The following NBEAL1 variants were observed in gnomAD, a reference collection of about 807,000 sequenced individuals.
The protein encoded by NBEAL1 is neurobeachin like 1, also known as neurobeachin-like protein 1.
NBEAL1 carries 273 observed loss-of-function variants against 351.3 expected under a neutral mutation model. The ratio of observed to expected loss-of-function variants is 0.78; its 90% CI spans 0.70 to 0.86. The LOEUF (loss-of-function observed/expected upper bound fraction) is 0.86, where lower values mean the gene tolerates loss of function less well. NBEAL1 is among the 40% of genes least tolerant of loss of function. The pLI, the probability that NBEAL1 is intolerant of heterozygous loss-of-function variation, is 0.00. For missense variants in NBEAL1, 2,961 were observed against 3,201.3 expected, an observed-to-expected ratio of 0.92 and a Z score of 1.81; for synonymous variants, 1,050 against 1,086.4, an observed-to-expected ratio of 0.97 and a Z score of 0.66.
Position 203,160,077 on chromosome 2 carries a change from A to T in NBEAL1, c.5714+2252A>T, listed in dbSNP as rs1205097115. 3.9e-3 allele frequency among the ~76,000 whole-genome samples: 503 copies of T among 127,506 alleles called. 3 individuals carry two copies. Among genetic ancestry groups the T allele is most frequent in the African/African-American group, 0.013 (451 of 34,084 alleles). The allele number at this position is 127,506 out of a possible 152,430, so 83.6% of individuals were successfully genotyped here. On this transcript the variant is annotated intron_variant, in intron 36 of 55. Transcript: ENST00000683969. Reference sequence around the variant, plus strand: ...ATATGCAAATCACTTGCCCCCCGCTATTTTTTTTTTTTTTTTTTTTAGACA... The same window carrying T: ...ATATGCAAATCACTTGCCCCCCGCTTTTTTTTTTTTTTTTTTTTTTAGACA...
intron 36 of NBEAL1, 23 bp downstream of exon 36, chr2:203,157,848 A>G: frequency 6.8e-7 from 1 of 1,475,540 alleles, no homozygotes; most frequent in Non-Finnish European, 9.0e-7. Context: ...ATTTAAAATT[A>G]TTTTGTTCTG....
chr2:203,117,412 G>A (rs1433491440), intron 18 of NBEAL1, among the ~76,000 whole-genome samples: 1 of 152,112 alleles, frequency 6.6e-6, no homozygotes, highest in African/African-American at 2.4e-5. Context: ...GCATTGAGCC[G>A]AGATCGTGCC....
At position 203,016,423 on chromosome 2, in the gene NBEAL1, T is replaced by C; in HGVS notation, c.39T>C (p.Leu13=). The part of the protein sequence containing the change: ...SRERLFELWM[L]YCTKKDPDYL... Reference sequence around the variant, plus strand: ...AGAGGCTCTTTGAACTTTGGATGCTTTATTGTACAAAGGTAATTGCTTTCC... The same window carrying C: ...AGAGGCTCTTTGAACTTTGGATGCTCTATTGTACAAAGGTAATTGCTTTCC... The change falls in exon 2 of 56, where the codon CTT becomes CTC. Residue 13 remains leucine (L), a synonymous_variant. Coordinates refer to ENST00000683969, the MANE Select transcript of NBEAL1 (RefSeq NM_001378026.1). 6.7e-7 allele frequency: 1 copy of C among 1,488,236 alleles called. No individual in the cohort carries two copies. 92.2% of individuals were successfully genotyped at this position (1,488,236 alleles called of 1,614,324 possible).
At position 203,018,023 on chromosome 2, in the gene NBEAL1, G is replaced by T. The variant is rs187603189; in HGVS notation, c.51+1588G>T. ...TTTCAAAGAATATTTATTTAAAACC[G>T]TGATTTTATATTTTACCAGTTAACG... On this transcript the variant is annotated intron_variant, in intron 2 of 55. Coordinates refer to ENST00000683969, the MANE Select transcript of NBEAL1 (RefSeq NM_001378026.1). Among the ~76,000 whole-genome samples the T allele has an allele frequency of 2.0e-3, 309 of 152,074 alleles. 2 individuals are homozygous for T. The highest frequency in any genetic ancestry group is 3.3e-3 in the Non-Finnish European group (224 of 67,928).
At chr2:203,178,310 G>A (rs1372452259) in intron 42 of NBEAL1, among the ~76,000 whole-genome samples, 1 of 151,834 alleles carries the variant, frequency 6.6e-6, no homozygotes, top group East Asian at 1.9e-4. Flanking sequence ...GATTCTAGGT[G>A]TGCACCACCA....
chr2:203,215,410 G>A (rs1043706810), intron 55 of NBEAL1, among the ~76,000 whole-genome samples: 1 of 152,234 alleles, frequency 6.6e-6, no homozygotes, highest in Admixed American at 6.5e-5. Flanking sequence ...GGTGGAGGCT[G>A]AGGCAGGAGA....
intron 6 of NBEAL1, among the ~76,000 whole-genome samples, chr2:203,065,981 A>G (rs997566715): frequency 1.3e-5 from 2 of 152,228 alleles, no homozygotes; most frequent in African/African-American, 4.8e-5. Flanking sequence ...AGTTATTGAA[A>G]ACATGCAGTA....
intron 11 of NBEAL1, among the ~76,000 whole-genome samples, chr2:203,099,173 G>A (rs1313876064): frequency 6.6e-6 from 1 of 151,514 alleles, no homozygotes; most frequent in Non-Finnish European, 1.5e-5. Context: ...CTACTCAGGA[G>A]GCTGAGGCAG....
rs1348812485 is a variant in NBEAL1, at chr2:203,220,013, A to C, written c.*2659A>C. The stretch of plus-strand genomic sequence containing the variant: ...TTAAAGAGTATAGCCTACTGAATTA[A>C]AAATCACTAGATAAAATAATTGGAA... On this transcript the variant is annotated 3_prime_UTR_variant, in exon 56 of 56. Coordinates refer to ENST00000683969, the MANE Select transcript of NBEAL1 (RefSeq NM_001378026.1). 1.3e-5 allele frequency: 2 copies of C among 152,232 alleles called. No individual in the cohort carries two copies. Among genetic ancestry groups the C allele is most frequent in the Non-Finnish European group, 2.9e-5 (2 of 68,038 alleles). 9.4% of individuals were successfully genotyped at this position (152,232 alleles called of 1,614,324 possible).
At chr2:203,045,044 A>G (rs2061204795) in intron 3 of NBEAL1, among the ~76,000 whole-genome samples, 1 of 152,230 alleles carries the variant, frequency 6.6e-6, no homozygotes, top group Non-Finnish European at 1.5e-5. Context: ...CGTTAGGAAC[A>G]TGGCCAAAAA....
intron 45 of NBEAL1, 137 bp downstream of exon 45, chr2:203,188,726 A>G: frequency 1.8e-6 from 1 of 553,582 alleles, no homozygotes; most frequent in Non-Finnish European, 3.2e-6. Context: ...AAAGATTAAG[A>G]GACTGCTGCT....
At position 203,116,183 on chromosome 2, in the gene NBEAL1, G is replaced by A. The variant is rs1246247937; in HGVS notation, c.2592+113G>A. The A allele has an allele frequency of 8.1e-6, 6 of 740,010 alleles. No individual in the cohort carries two copies. The African/African-American group carries it at 8.9e-5, about 11-fold the overall frequency. 45.8% of individuals were successfully genotyped at this position (740,010 alleles called of 1,614,324 possible). A position where few individuals can be genotyped will look rare whatever the true frequency, so the allele number is the denominator to read the frequency against. ...GTAATTAAAAGGAGGGGTTTGAATT[G>A]CCATCAAAATAATCATGAATTTTCA... is the stretch of plus-strand genomic sequence containing the variant. On this transcript the variant is annotated intron_variant, in intron 18 of 55. Transcript: ENST00000683969.
intron 44 of NBEAL1, among the ~76,000 whole-genome samples, chr2:203,187,078 C>T (rs533977895): frequency 6.6e-6 from 1 of 152,146 alleles, no homozygotes; most frequent in South Asian, 2.1e-4. Context: ...TCTTTGCCCT[C>T]TAGAGATCCC....
chr2:203,043,569 C>T (rs1040265952), intron 3 of NBEAL1, among the ~76,000 whole-genome samples: 3 of 151,782 alleles, frequency 2.0e-5, no homozygotes, highest in Non-Finnish European at 2.9e-5. Flanking sequence ...GGCAAAACCC[C>T]GTTTCTACAA....
chr2:203,138,370 A>C, intron 30 of NBEAL1, 55 bp downstream of exon 30: 1 of 1,544,910 alleles, frequency 6.5e-7, no homozygotes, highest in Non-Finnish European at 8.7e-7. Flanking sequence ...CTTTATTCAA[A>C]GAAAAATTTT....
At chr2:203,211,879 A>G (rs2105852417) in intron 54 of NBEAL1, among the ~76,000 whole-genome samples, 1 of 152,066 alleles carries the variant, frequency 6.6e-6, no homozygotes, top group East Asian at 1.9e-4. Flanking sequence ...AGTAGTGGAT[A>G]CGTGTTTTTG....
At chr2:203,114,406 A>C (rs1185858714) in intron 17 of NBEAL1, among the ~76,000 whole-genome samples, 2 of 152,236 alleles carry the variant, frequency 1.3e-5, no homozygotes, top group Non-Finnish European at 2.9e-5. Context: ...TCATTTTTTC[A>C]ACTGATATAT....
chr2:203,138,793 T>G (rs759438431), intron 31 of NBEAL1, 45 bp downstream of exon 31: 5 of 1,540,856 alleles, frequency 3.2e-6, no homozygotes, highest in African/African-American at 1.4e-5. Context: ...GCATGCAGCA[T>G]AGGTATTATT....
In NBEAL1 at chr2:203,111,948, T is replaced by C. The variant is rs1298714514; in HGVS notation, c.2083-31T>C. The C allele has an allele frequency of 2.6e-6, 4 of 1,535,360 alleles. No individual in the cohort carries two copies. The East Asian group carries it at 9.9e-5, about 38-fold the overall frequency. On this transcript the variant is annotated intron_variant, in intron 15 of 55. Coordinates refer to ENST00000683969, the MANE Select transcript of NBEAL1 (RefSeq NM_001378026.1). ...TCATTCCAAAGACATAATGTAATTT[T>C]ATCCTTTAAATGTGTGTTTCACTTT...
Sources: allele counts gnomAD v4.1 joint callset (sites outside exome capture counted in the v4.1 genomes callset), GRCh38; gene constraint gnomAD v4.1.1; transcripts MANE v1.5; gene names NCBI Gene and HGNC (gene_info 2026-07-23, HGNC 2026-07-21).